Variants in FBXO17 observed in about 807,000 individuals in gnomAD.
FBXO17 encodes F-box only protein 17.
In FBXO17, 43 loss-of-function variants were observed where a neutral mutation model predicts 34.1. The ratio of observed to expected loss-of-function variants is 1.26; its 90% CI spans 0.99 to 1.62. FBXO17 has a LOEUF of 1.62. FBXO17 is among the 40% of genes most tolerant of loss of function. FBXO17 has a pLI of 0.00. For missense variants in FBXO17, 424 were observed against 386.7 expected (o/e 1.10, Z -0.81); for synonymous variants, 169 against 166.0 (o/e 1.02, Z -0.14).
chr19:38,946,795 A>C, intron 3 of FBXO17: 1 of 581,008 alleles, frequency 1.7e-6, no homozygotes, highest in Non-Finnish European at 3.0e-6. Flanking sequence ...GCTGACCTCT[A>C]TGAAAGCCTG....
chr19:38,971,431 T>C (rs1975390298), intron 1 of FBXO17, among the ~76,000 whole-genome samples: 1 of 152,112 alleles, frequency 6.6e-6, no homozygotes, highest in East Asian at 1.9e-4. Context: ...TCTGGCACGA[T>C]CATTCGTTGA....
At chr19:38,966,427 C>T (rs1440196107) in intron 1 of FBXO17, among the ~76,000 whole-genome samples, 14 of 151,842 alleles carry the variant, frequency 9.2e-5, no homozygotes, top group African/African-American at 2.9e-4. Context: ...CCTCAGCCAC[C>T]GAGCCTGGCC....
intron 1 of FBXO17, among the ~76,000 whole-genome samples, chr19:38,953,619 C>T (rs1276366211): frequency 6.6e-6 from 1 of 152,064 alleles, no homozygotes; most frequent in Non-Finnish European, 1.5e-5. Flanking sequence ...TGAGATCGCA[C>T]CACTGCACTC....
At chr19:38,951,143 C>T (rs1281049490) in intron 1 of FBXO17, among the ~76,000 whole-genome samples, 1 of 152,088 alleles carries the variant, frequency 6.6e-6, no homozygotes, top group Non-Finnish European at 1.5e-5. Flanking sequence ...ACAAAGAAGT[C>T]ATCAACCTCC....
intron 1 of FBXO17, among the ~76,000 whole-genome samples, chr19:38,971,668 T>C (rs1975392714): frequency 6.6e-6 from 1 of 151,724 alleles, no homozygotes; most frequent in Non-Finnish European, 1.5e-5. Flanking sequence ...GCACTTGTGG[T>C]CCCAGCTACT....
chr19:38,962,707 TTTTTTC>T (rs904842231), intron 1 of FBXO17, among the ~76,000 whole-genome samples: 4 of 150,370 alleles, frequency 2.7e-5, no homozygotes, highest in African/African-American at 9.7e-5. Flanking sequence ...TCTTTCTTTC[TTTTTTC>T]TTTTTCTTTC....
chr19:38,941,524 TTAAC>T lies in FBXO17; in HGVS notation c.*1080_*1083del, dbSNP rs1974885731. On this transcript the variant is annotated 3_prime_UTR_variant, in exon 6 of 6. Coordinates refer to ENST00000292852, the MANE Select transcript of FBXO17 (RefSeq NM_024907.7). ...AAGCATTATTTCTATAGATTATAGA[TTAAC>T]TAAAAACATTTCTTACAGGAAATAA... 6.6e-6 allele frequency: 1 copy of T among 152,152 alleles called. No individual in the cohort carries two copies. The highest frequency in any genetic ancestry group is 6.6e-5 in the Admixed American group (1 of 15,266). The allele number at this position is 152,152 out of a possible 1,614,324, so 9.4% of individuals were successfully genotyped here.
intron 5 of FBXO17, 30 bp downstream of exon 5, chr19:38,944,939 G>A (rs368097145): frequency 8.1e-6 from 13 of 1,611,786 alleles, no homozygotes; most frequent in Admixed American, 1.7e-5. Context: ...TTAGCGGGTC[G>A]GGGGGAGCTG....
At chr19:38,957,690 C>T (rs1025310149) in intron 1 of FBXO17, among the ~76,000 whole-genome samples, 1 of 152,160 alleles carries the variant, frequency 6.6e-6, no homozygotes, top group African/African-American at 2.4e-5. Flanking sequence ...AAAGGAGGAT[C>T]TCTGGGGCTA....
At chr19:38,958,118 A>G (rs74763818) in intron 1 of FBXO17, among the ~76,000 whole-genome samples, 2,638 of 151,678 alleles carry the variant, frequency 0.017, 85 homozygotes, top group African/African-American at 0.057. Context: ...AAAAAAAAAA[A>G]AAAAAGTTTG....
intron 4 of FBXO17, 37 bp downstream of exon 4, chr19:38,946,435 G>C: frequency 1.2e-6 from 2 of 1,612,984 alleles, no homozygotes; most frequent in Non-Finnish European, 1.7e-6. Context: ...TGCCAAGCCT[G>C]CTGCTGCTCT....
At chr19:38,954,899 TTATTA>T (rs1568441778) in intron 1 of FBXO17, among the ~76,000 whole-genome samples, 33 of 9,310 alleles carry the variant, frequency 3.5e-3, no homozygotes, top group Admixed American at 0.017. Context: ...TGTTATTTTA[TTATTA>T]TTATTATTAT....
At chr19:38,960,540 G>A (rs1026391452) in intron 1 of FBXO17, among the ~76,000 whole-genome samples, 1 of 151,968 alleles carries the variant, frequency 6.6e-6, no homozygotes, top group Non-Finnish European at 1.5e-5. Context: ...ACAGAGTCTC[G>A]CTCTGTCCCC....
chr19:38,946,830 A>G (rs1974991234), intron 3 of FBXO17: 2 of 493,216 alleles, frequency 4.1e-6, no homozygotes, highest in South Asian at 4.6e-5. Context: ...GGGACAGGAC[A>G]TGACTACAAA....
chr19:38,964,842 A>G (rs1975299386), intron 1 of FBXO17, among the ~76,000 whole-genome samples: 1 of 152,098 alleles, frequency 6.6e-6, no homozygotes, highest in African/African-American at 2.4e-5. Context: ...TACTGAGTAA[A>G]GCCCTCCCCA....
At chr19:38,954,230 C>T (rs1975129029) in intron 1 of FBXO17, among the ~76,000 whole-genome samples, 1 of 151,964 alleles carries the variant, frequency 6.6e-6, no homozygotes, top group Admixed American at 6.6e-5. Flanking sequence ...CAGGAGGAAG[C>T]CAAAGTGGGC....
intron 1 of FBXO17, among the ~76,000 whole-genome samples, chr19:38,972,630 CTCTT>C (rs1008469217): frequency 2.2e-4 from 33 of 151,370 alleles, no homozygotes; most frequent in East Asian, 7.7e-4. Context: ...TGTCTTCTGT[CTCTT>C]TCTTTGTTTC....
intron 1 of FBXO17, among the ~76,000 whole-genome samples, chr19:38,972,872 G>A (rs1336506245): frequency 2.6e-5 from 4 of 151,834 alleles, no homozygotes; most frequent in East Asian, 2.0e-4. Flanking sequence ...CTATTCTCCC[G>A]CCTCAGCCTC....
chr19:38,954,084 T>A (rs375324602), intron 1 of FBXO17, among the ~76,000 whole-genome samples: 1 of 151,916 alleles, frequency 6.6e-6, no homozygotes, highest in African/African-American at 2.4e-5. Context: ...CCAGGCAGCA[T>A]TGGGGTCCGC....
Sources: allele counts gnomAD v4.1 joint callset (sites outside exome capture counted in the v4.1 genomes callset), GRCh38; gene constraint gnomAD v4.1.1; transcripts MANE v1.5; gene names NCBI Gene and HGNC (gene_info 2026-07-23, HGNC 2026-07-21).